The following LPP variants were observed in gnomAD, a reference collection of about 807,000 sequenced individuals.
LPP encodes the protein lipoma-preferred partner.
LPP carries 38 observed loss-of-function variants against 60.4 expected under a neutral mutation model. The ratio of observed to expected loss-of-function variants is 0.63; its 90% confidence interval spans 0.49 to 0.83. The LOEUF is 0.83. LPP is among the 40% of genes least tolerant of loss of function. LPP has a pLI of 0.00. For synonymous variants in LPP, 328 were observed against 290.8 expected (o/e 1.13, Z -1.30); for missense variants, 902 against 783.6 (o/e 1.15, Z -1.80).
intron 2 of LPP, among the ~76,000 whole-genome samples, chr3:188,296,708 A>G (rs1455966079): frequency 2.0e-5 from 3 of 152,228 alleles, no homozygotes; most frequent in Non-Finnish European, 4.4e-5. Context: ...GCACCCATGA[A>G]TGAAATTTAC....
At chr3:188,372,358 A>C (rs1773532235) in intron 3 of LPP, among the ~76,000 whole-genome samples, 1 of 152,140 alleles carries the variant, frequency 6.6e-6, no homozygotes, top group Non-Finnish European at 1.5e-5. Flanking sequence ...TGTACACACA[A>C]GCTCCTTCAA....
intron 2 of LPP, among the ~76,000 whole-genome samples, chr3:188,248,468 T>TATATATATA (rs1727806042): frequency 1.2e-5 from 1 of 84,142 alleles, no homozygotes; most frequent in Non-Finnish European, 2.2e-5. Context: ...CAGTATAACT[T>TATATATATA]TATATATATA....
chr3:188,533,202 T>C (rs1458229106), intron 6 of LPP, among the ~76,000 whole-genome samples: 1 of 152,152 alleles, frequency 6.6e-6, no homozygotes, highest in Non-Finnish European at 1.5e-5. Flanking sequence ...TCCCTTCTCA[T>C]GTGTTCTGTG....
chr3:188,582,367 G>A (rs1342836705), intron 6 of LPP, among the ~76,000 whole-genome samples: 1 of 151,180 alleles, frequency 6.6e-6, no homozygotes, highest in Admixed American at 6.6e-5. Context: ...TTTTATTAGA[G>A]ATGGGGTTTC....
chr3:188,237,895 C>A (rs528094041), intron 2 of LPP, among the ~76,000 whole-genome samples: 1 of 152,302 alleles, frequency 6.6e-6, no homozygotes, highest in East Asian at 1.9e-4. Context: ...GTTACCCTGT[C>A]CTTTGAAGCT....
At chr3:188,698,164 C>A (rs1235397202) in intron 7 of LPP, among the ~76,000 whole-genome samples, 5 of 152,108 alleles carry the variant, frequency 3.3e-5, no homozygotes, top group Admixed American at 2.6e-4. Flanking sequence ...TTCCAGGCAA[C>A]CAAATGAAGA....
chr3:188,271,994 G>T (rs1023033676), intron 2 of LPP, among the ~76,000 whole-genome samples: 11 of 152,060 alleles, frequency 7.2e-5, no homozygotes, highest in Admixed American at 5.9e-4. Flanking sequence ...TGCTGCTTGT[G>T]GTCCCTTTCC....
At chr3:188,650,764 G>GA (rs1447863900) in intron 7 of LPP, among the ~76,000 whole-genome samples, 1 of 152,142 alleles carries the variant, frequency 6.6e-6, no homozygotes. Flanking sequence ...TATATGTCCA[G>GA]AAAAAAAGTC....
chr3:188,473,605 A>G (rs1282623675), intron 4 of LPP, among the ~76,000 whole-genome samples: 1 of 152,196 alleles, frequency 6.6e-6, no homozygotes, highest in Non-Finnish European at 1.5e-5. Flanking sequence ...AGATTCCGAT[A>G]CACACCACTG....
intron 2 of LPP, among the ~76,000 whole-genome samples, chr3:188,272,138 A>T (rs914831321): frequency 6.6e-6 from 1 of 152,138 alleles, no homozygotes; most frequent in Admixed American, 6.5e-5. Context: ...CTGTGCCACG[A>T]GTTTGCTCTG....
chr3:188,609,836 C>T lies in LPP; in HGVS notation c.1105C>T (p.Gln369Ter). The change falls in exon 7 of 12, where the codon CAG becomes TAG. Residue 369 changes from glutamine (Q) to a stop codon, truncating the protein, a stop_gained. Transcript: ENST00000617246. LOFTEE classifies it high-confidence loss of function. This position sits in a 1 kb window ranked among gnomAD's most constrained non-coding sequence, Gnocchi z 6.9. ...PVSAPCAPPL[Q>*]PKGGHSGQLG... ...TTCAGCCCCCTGTGCGCCACCATTG[C>T]AGCCAAAGGTAAGAAACTCAGTAAC... 1 of 1,608,886 alleles carries T rather than the reference C, an allele frequency of 6.2e-7. No individual in the cohort carries two copies. Among genetic ancestry groups the T allele is most frequent in the South Asian group, 1.1e-5 (1 of 90,468 alleles).
At chr3:188,249,915 C>T (rs1728545359) in intron 2 of LPP, among the ~76,000 whole-genome samples, 2 of 136,794 alleles carry the variant, frequency 1.5e-5, no homozygotes, top group Admixed American at 7.5e-5. Flanking sequence ...TTTTTTTTTC[C>T]AGAAGTATTT....
At chr3:188,858,045 C>T (rs193183589) in intron 9 of LPP, among the ~76,000 whole-genome samples, 1 of 152,256 alleles carries the variant, frequency 6.6e-6, no homozygotes, top group East Asian at 1.9e-4. Context: ...TCTACAAAAA[C>T]CAAAGGCCAG....
chr3:188,810,071 G>A (rs1186184270), intron 9 of LPP, among the ~76,000 whole-genome samples: 1 of 152,072 alleles, frequency 6.6e-6, no homozygotes, highest in African/African-American at 2.4e-5. Flanking sequence ...GGTCTTTCGT[G>A]TGAGCATCTG....
At chr3:188,168,129 C>T (rs1193347141) in intron 1 of LPP, among the ~76,000 whole-genome samples, 4 of 152,226 alleles carry the variant, frequency 2.6e-5, no homozygotes, top group Non-Finnish European at 4.4e-5. Flanking sequence ...TTCATTCTCT[C>T]AGTCTTTATT....
chr3:188,214,199 C>T (rs577348318), intron 1 of LPP, among the ~76,000 whole-genome samples: 11 of 152,022 alleles, frequency 7.2e-5, no homozygotes, highest in South Asian at 2.1e-4. Flanking sequence ...GGCGCGATCT[C>T]GGCTCACTGC....
chr3:188,524,726 C>G lies in LPP; in HGVS notation c.368C>G (p.Ser123Cys), dbSNP rs1560518062. 2 of 1,614,156 alleles carry G rather than the reference C, an allele frequency of 1.2e-6. No individual in the cohort carries two copies. The highest frequency in any genetic ancestry group is 1.7e-6 in the Non-Finnish European group (2 of 1,180,016). Reference sequence around the variant, plus strand: ...TCCAGCCTGGACGCTGAGATTGACTCCTTGACCAGCATCTTGGCTGACCTT... The same window carrying G: ...TCCAGCCTGGACGCTGAGATTGACTGCTTGACCAGCATCTTGGCTGACCTT... ...RRSSLDAEID[S>C]LTSILADLEC... The change falls in exon 6 of 12, where the codon TCC becomes TGC. Residue 123 changes from serine (S) to cysteine (C), a missense_variant. Coordinates refer to ENST00000617246, the MANE Select transcript of LPP (RefSeq NM_001375462.1).
chr3:188,836,170 C>A (rs1758399704), intron 9 of LPP, among the ~76,000 whole-genome samples: 1 of 152,174 alleles, frequency 6.6e-6, no homozygotes, highest in Admixed American at 6.5e-5. Context: ...AAAAATGTAT[C>A]GACTGCCAGC....
chr3:188,222,561 G>T (rs994938342), intron 1 of LPP, among the ~76,000 whole-genome samples: 2 of 152,074 alleles, frequency 1.3e-5, no homozygotes, highest in African/African-American at 4.8e-5. Context: ...ACTTCAAACT[G>T]CACTCCTGAT....
Sources: gnomAD v4.1 joint callset for allele counts (sites outside exome capture counted in the v4.1 genomes callset) on GRCh38, gnomAD v4.1.1 for gene constraint, Gnocchi (gnomAD v3.1) non-coding constraint, MANE v1.5 for transcripts, NCBI Gene and HGNC (gene_info 2026-07-23, HGNC 2026-07-21) for gene names.